AGBL1: variants seen among roughly 807,000 people sequenced by gnomAD.
AGBL1 encodes the protein AGBL carboxypeptidase 1.
A neutral mutation model predicts 118.9 loss-of-function variants in AGBL1; 130 were observed. The observed-to-expected ratio is 1.09, with a 90% CI of 0.95 to 1.26. The LOEUF is 1.26. Ranked by LOEUF, AGBL1 falls within the 50% of genes most tolerant of loss-of-function variation. The probability of loss-of-function intolerance (pLI) is 0.00; values close to 1 mark genes in which losing one functional copy is unlikely to be tolerated. For missense variants in AGBL1, 1,584 were observed against 1,298.1 expected, an observed-to-expected ratio of 1.22 and a Z score of -3.38; for synonymous variants, 555 against 478.9, an observed-to-expected ratio of 1.16 and a Z score of -2.08.
chr15:86,176,153 A>G (rs1330242074), intron 5 of AGBL1, among the ~76,000 whole-genome samples: 1 of 152,208 alleles, frequency 6.6e-6, no homozygotes, highest in Non-Finnish European at 1.5e-5. Context: ...GAGCAGGTTA[A>G]TCTCCAAGTT....
chr15:86,858,876 T>C (rs1420644243), intron 22 of AGBL1, among the ~76,000 whole-genome samples: 5 of 152,198 alleles, frequency 3.3e-5, no homozygotes, highest in Non-Finnish European at 7.3e-5. Flanking sequence ...TATCAGGCCT[T>C]CTTCTCAGTT....
intron 17 of AGBL1, chr15:86,304,762 C>G (rs994420083): frequency 6.6e-6 from 1 of 152,324 alleles, no homozygotes; most frequent in African/African-American, 2.4e-5. Context: ...CATTCTTTCC[C>G]TGATGCTTGG....
intron 18 of AGBL1, among the ~76,000 whole-genome samples, chr15:86,460,400 G>A (rs1287965918): frequency 6.6e-6 from 1 of 151,166 alleles, no homozygotes; most frequent in Non-Finnish European, 1.5e-5. Flanking sequence ...GGAGGCTGAG[G>A]CAGGAGGATT....
chr15:86,624,069 G>A (rs1448235308), intron 21 of AGBL1, among the ~76,000 whole-genome samples: 1 of 152,224 alleles, frequency 6.6e-6, no homozygotes, highest in Non-Finnish European at 1.5e-5. Context: ...GATACTGAGT[G>A]AAGAAAAGCT....
At chr15:86,306,124 G>C (rs1004680435) in intron 17 of AGBL1, among the ~76,000 whole-genome samples, 1 of 151,910 alleles carries the variant, frequency 6.6e-6, no homozygotes, top group African/African-American at 2.4e-5. Flanking sequence ...TGGACAATGG[G>C]ACATCCATCC....
chr15:86,691,380 T>G (rs1226688705), intron 22 of AGBL1, among the ~76,000 whole-genome samples: 3 of 152,192 alleles, frequency 2.0e-5, no homozygotes, highest in Non-Finnish European at 2.9e-5. Context: ...GTGATTATTA[T>G]TTTTCAGTAC....
At chr15:86,873,552 T>C (rs1407246941) in intron 22 of AGBL1, among the ~76,000 whole-genome samples, 1 of 152,140 alleles carries the variant, frequency 6.6e-6, no homozygotes, top group Non-Finnish European at 1.5e-5. Flanking sequence ...GGTAGAACCT[T>C]TGGGGAGTGG....
chr15:86,391,127 A>G (rs906739957), intron 17 of AGBL1, among the ~76,000 whole-genome samples: 5 of 152,070 alleles, frequency 3.3e-5, no homozygotes, highest in African/African-American at 9.7e-5. Flanking sequence ...TAATAATTTT[A>G]TCATGATCAT....
chr15:86,685,132 C>T (rs749327932), intron 22 of AGBL1, among the ~76,000 whole-genome samples: 10 of 152,166 alleles, frequency 6.6e-5, no homozygotes, highest in South Asian at 2.1e-4. Flanking sequence ...CGATACAAGA[C>T]GACCCTTTAC....
chr15:86,817,885 A>C (rs2078888133), intron 22 of AGBL1, among the ~76,000 whole-genome samples: 1 of 152,216 alleles, frequency 6.6e-6, no homozygotes, highest in Non-Finnish European at 1.5e-5. Context: ...TGACATCCTT[A>C]GAAGAGAAGA....
intron 17 of AGBL1, among the ~76,000 whole-genome samples, chr15:86,333,593 C>A (rs1177796378): frequency 1.3e-5 from 2 of 152,152 alleles, no homozygotes; most frequent in Non-Finnish European, 2.9e-5. Flanking sequence ...CAGCAGAATT[C>A]TACTAGACAT....
intron 21 of AGBL1, among the ~76,000 whole-genome samples, chr15:86,668,157 C>G (rs1008345589): frequency 1.3e-5 from 2 of 152,206 alleles, no homozygotes; most frequent in Non-Finnish European, 2.9e-5. Context: ...ATGAACCAAA[C>G]ACCTCCCACC....
At chr15:86,781,256 C>A (rs2078332087) in intron 22 of AGBL1, among the ~76,000 whole-genome samples, 1 of 152,010 alleles carries the variant, frequency 6.6e-6, no homozygotes. Flanking sequence ...TTTCTACTTA[C>A]TATGTTTTGC....
At position 86,340,303 on chromosome 15, in the gene AGBL1, C is replaced by A. The variant is rs140612915; in HGVS notation, c.2374+44895C>A. Among the ~76,000 whole-genome samples the A allele has an allele frequency of 2.6e-3, 398 of 151,994 alleles. 2 individuals carry two copies. Among genetic ancestry groups the A allele is most frequent in the African/African-American group, 7.1e-3 (293 of 41,420 alleles). ...GAATATTGCCTCCACTGCCCCCCCC[C>A]CATTCATGTCTATTCAGAAGCTCAG... On this transcript the variant is annotated intron_variant, in intron 17 of 22. Coordinates refer to ENST00000614907, the MANE Select transcript of AGBL1 (RefSeq NM_001386094.1).
intron 22 of AGBL1, among the ~76,000 whole-genome samples, chr15:86,721,658 C>A (rs577979325): frequency 2.0e-5 from 3 of 152,240 alleles, no homozygotes; most frequent in African/African-American, 7.2e-5. Context: ...CTGGCCAGGG[C>A]AATTAGGCAG....
chr15:86,085,963 G>T (rs1287799904), intron 1 of AGBL1, among the ~76,000 whole-genome samples: 1 of 152,168 alleles, frequency 6.6e-6, no homozygotes, highest in Non-Finnish European at 1.5e-5. Context: ...TTTTGGATCT[G>T]TCTCCCTGAA....
Position 86,224,955 on chromosome 15 carries a change from A to C in AGBL1, c.526+4A>C, listed in dbSNP as rs757536199. On this transcript the variant is annotated splice_donor_region_variant and intron_variant, in intron 6 of 22. Transcript: ENST00000614907. ...TTGGCAGCATTGCTGAAATCCAGTA[A>C]GCACCTCTTTTGAAGGGTGGCTATT... 1.9e-6 allele frequency: 3 copies of C among 1,613,072 alleles called. No homozygotes were observed. The East Asian group carries it at 6.7e-5, about 36-fold the overall frequency.
At chr15:86,222,500 C>G (rs779102664) in intron 5 of AGBL1, among the ~76,000 whole-genome samples, 12 of 152,090 alleles carry the variant, frequency 7.9e-5, no homozygotes, top group Non-Finnish European at 1.6e-4. Flanking sequence ...TTCTCTCTCA[C>G]TTTTCCATTT....
intron 6 of AGBL1, among the ~76,000 whole-genome samples, chr15:86,246,146 C>T (rs2078717186): frequency 6.6e-6 from 1 of 152,212 alleles, no homozygotes; most frequent in African/African-American, 2.4e-5. Context: ...CAGGCCCCCA[C>T]AGTGCTGGCA....
Sources: gnomAD v4.1 joint callset for allele counts (sites outside exome capture counted in the v4.1 genomes callset) on GRCh38, gnomAD v4.1.1 for gene constraint, MANE v1.5 for transcripts, NCBI Gene and HGNC (gene_info 2026-07-23, HGNC 2026-07-21) for gene names.